CAMK1D: variants seen among roughly 807,000 people sequenced by gnomAD.
CAMK1D encodes the protein calcium/calmodulin-dependent protein kinase type 1D.
A neutral mutation model predicts 47.7 loss-of-function variants in CAMK1D; 9 were observed. The ratio of observed to expected loss-of-function variants is 0.19; its 90% CI spans 0.11 to 0.33. The LOEUF is 0.33. Ranked by LOEUF, CAMK1D falls within the 10% of genes least tolerant of loss-of-function variation. CAMK1D has a pLI of 1.00. For missense variants in CAMK1D, 291 were observed against 488.7 expected (o/e 0.60, Z 3.81); for synonymous variants, 184 against 184.9 (o/e 0.99, Z 0.04).
At chr10:12,436,274 C>T (rs763771398) in intron 1 of CAMK1D, among the ~76,000 whole-genome samples, 3 of 152,166 alleles carry the variant, frequency 2.0e-5, no homozygotes, top group East Asian at 1.9e-4. Context: ...GGCATCCTGT[C>T]GATAGAGTCT....
chr10:12,746,370 A>AAAAAAAAAAAAAAAG (rs1835681820), intron 3 of CAMK1D, among the ~76,000 whole-genome samples: 1 of 151,558 alleles, frequency 6.6e-6, no homozygotes, highest in Non-Finnish European at 1.5e-5. Flanking sequence ...TCTCAAAAAA[A>AAAAAAAAAAAAAAAG]AAAAAAAAAG....
At chr10:12,672,200 C>T (rs1840644075) in intron 3 of CAMK1D, among the ~76,000 whole-genome samples, 1 of 151,926 alleles carries the variant, frequency 6.6e-6, no homozygotes, top group Non-Finnish European at 1.5e-5. Flanking sequence ...CAAGCGTGAG[C>T]CACCTCGCCG....
At chr10:12,459,053 A>AT (rs1244355267) in intron 1 of CAMK1D, among the ~76,000 whole-genome samples, 2 of 151,506 alleles carry the variant, frequency 1.3e-5, no homozygotes, top group African/African-American at 2.4e-5. Flanking sequence ...TGATTTTTGT[A>AT]TTTTTAGTAG....
At chr10:12,827,392 CTTCCTTCCTTTCTTCTTTCTCTCTTTCT>C (rs2131130694) in intron 10 of CAMK1D, among the ~76,000 whole-genome samples, 6 of 135,352 alleles carry the variant, frequency 4.4e-5, no homozygotes, top group African/African-American at 5.5e-5. Flanking sequence ...CTTTCCCTTC[CTTCCTTCCTTTCTTCTTTCTCTCTTTCT>C]TTCCTTCCTT....
chr10:12,816,439 A>C (rs180993799), intron 8 of CAMK1D, 111 bp downstream of exon 8: 1 of 841,960 alleles, frequency 1.2e-6, no homozygotes, highest in East Asian at 2.7e-5. Context: ...GATTATTACA[A>C]ATTTCATCTC....
At chr10:12,720,980 G>A (rs1212684912) in intron 3 of CAMK1D, among the ~76,000 whole-genome samples, 1 of 152,186 alleles carries the variant, frequency 6.6e-6, no homozygotes, top group Non-Finnish European at 1.5e-5. Flanking sequence ...TCTTGACAAG[G>A]CTTTGTGTGA....
chr10:12,515,430 C>CTTTTTTTTTTTA (rs55728182), intron 1 of CAMK1D, among the ~76,000 whole-genome samples: 25 of 92,252 alleles, frequency 2.7e-4, no homozygotes, highest in Admixed American at 6.1e-4. Flanking sequence ...TTTTTTTTTT[C>CTTTTTTTTTTTA]ATTATACTTT....
intron 2 of CAMK1D, among the ~76,000 whole-genome samples, chr10:12,624,067 A>C (rs1408714682): frequency 6.6e-6 from 1 of 152,196 alleles, no homozygotes; most frequent in Admixed American, 6.5e-5. Context: ...TGACAGATTG[A>C]GACTCTGTCT....
chr10:12,744,787 G>C (rs188823102), intron 3 of CAMK1D, among the ~76,000 whole-genome samples: 153 of 151,634 alleles, frequency 1.0e-3, no homozygotes, highest in African/African-American at 3.5e-3. Flanking sequence ...TGTAATCCCA[G>C]CTACTCACGA....
chr10:12,750,813 G>A lies in CAMK1D; in HGVS notation c.300-10135G>A, dbSNP rs79476331. On this transcript the variant is annotated intron_variant, in intron 3 of 10. Coordinates refer to ENST00000619168, the MANE Select transcript of CAMK1D (RefSeq NM_153498.4). Reference sequence around the variant, plus strand: ...CGCCTGTAATCCCAGCACTTTGGGAGTCTGAGGTGGGCAAATCACCTGAGG... The same window carrying A: ...CGCCTGTAATCCCAGCACTTTGGGAATCTGAGGTGGGCAAATCACCTGAGG... Among the ~76,000 whole-genome samples, 1,137 of 152,304 alleles carry A rather than the reference G, an allele frequency of 7.5e-3. 16 individuals are homozygous for A. The highest frequency in any genetic ancestry group is 0.026 in the African/African-American group (1,081 of 41,556).
chr10:12,365,459 T>TA (rs935125961), intron 1 of CAMK1D, among the ~76,000 whole-genome samples: 3 of 151,842 alleles, frequency 2.0e-5, no homozygotes, highest in Admixed American at 1.3e-4. Context: ...TTTGTTTTGA[T>TA]ACAGTGTCTC....
chr10:12,437,485 G>A (rs1292264538), intron 1 of CAMK1D, among the ~76,000 whole-genome samples: 2 of 152,136 alleles, frequency 1.3e-5, no homozygotes, highest in Non-Finnish European at 2.9e-5. Context: ...GTGAGCTACC[G>A]CGCCCAGCCC....
At chr10:12,424,782 C>A (rs1405274598) in intron 1 of CAMK1D, among the ~76,000 whole-genome samples, 1 of 152,192 alleles carries the variant, frequency 6.6e-6, no homozygotes, top group Non-Finnish European at 1.5e-5. Context: ...GCACTCCAGC[C>A]TGGGCAACAG....
At chr10:12,364,697 G>C (rs1234262296) in intron 1 of CAMK1D, among the ~76,000 whole-genome samples, 1 of 152,198 alleles carries the variant, frequency 6.6e-6, no homozygotes, top group East Asian at 1.9e-4. Context: ...GGAGTCAGTT[G>C]TGTGCTGATA....
chr10:12,362,644 C>T (rs563232971), intron 1 of CAMK1D, among the ~76,000 whole-genome samples: 33 of 152,198 alleles, frequency 2.2e-4, no homozygotes, highest in African/African-American at 7.7e-4. Context: ...ACTACAGGCG[C>T]CCGCCATGAT....
At chr10:12,431,520 A>G (rs748319377) in intron 1 of CAMK1D, among the ~76,000 whole-genome samples, 10 of 152,190 alleles carry the variant, frequency 6.6e-5, no homozygotes, top group Non-Finnish European at 1.5e-4. Flanking sequence ...CAATCCCCTC[A>G]CTTTCCCGAG....
At chr10:12,670,694 C>G (rs1390553776) in intron 3 of CAMK1D, among the ~76,000 whole-genome samples, 1 of 152,016 alleles carries the variant, frequency 6.6e-6, no homozygotes, top group African/African-American at 2.4e-5. Flanking sequence ...ATTGTGGGCA[C>G]CTGCCACCAT....
At chr10:12,377,381 A>G (rs1169400403) in intron 1 of CAMK1D, among the ~76,000 whole-genome samples, 1 of 152,174 alleles carries the variant, frequency 6.6e-6, no homozygotes, top group Non-Finnish European at 1.5e-5. Context: ...TGGCTAAAAC[A>G]TGTTTCTGTC....
In CAMK1D at chr10:12,727,280, C is replaced by T. The variant is rs150820746; in HGVS notation, c.300-33668C>T. Among the ~76,000 whole-genome samples the T allele has an allele frequency of 1.5e-3, 224 of 152,312 alleles. 1 individual carries two copies. Among genetic ancestry groups the T allele is most frequent in the African/African-American group, 5.0e-3 (208 of 41,570 alleles). ...CAGAAGTGTTAAGAAGGTTATGACT[C>T]AGAGACATCAAAGCAGAATGGATTT... is the stretch of plus-strand genomic sequence containing the variant. On this transcript the variant is annotated intron_variant, in intron 3 of 10. Coordinates refer to ENST00000619168, the MANE Select transcript of CAMK1D (RefSeq NM_153498.4).
Sources: gnomAD v4.1 joint callset for allele counts (sites outside exome capture counted in the v4.1 genomes callset) on GRCh38, gnomAD v4.1.1 for gene constraint, MANE v1.5 for transcripts, NCBI Gene and HGNC (gene_info 2026-07-23, HGNC 2026-07-21) for gene names.